KCNG2: variants seen among roughly 807,000 people sequenced by gnomAD.
KCNG2 encodes the protein potassium voltage-gated channel modifier subfamily G member 2, also known as voltage-gated potassium channel regulatory subunit KCNG2.
A neutral mutation model predicts 12.3 loss-of-function variants in KCNG2; 7 were observed. The ratio of observed to expected loss-of-function variants is 0.57; its 90% confidence interval spans 0.32 to 1.07. The LOEUF is 1.07. Ranked by LOEUF, KCNG2 falls within the 50% of genes least tolerant of loss-of-function variation. The pLI, the probability that KCNG2 is intolerant of heterozygous loss-of-function variation, is 0.04. For synonymous variants in KCNG2, 414 were observed against 351.4 expected, an observed-to-expected ratio of 1.18 and a Z score of -1.99; for missense variants, 703 against 726.0, an observed-to-expected ratio of 0.97 and a Z score of 0.36.
intron 1 of KCNG2, among the ~76,000 whole-genome samples, chr18:79,848,340 C>G (rs369734574): frequency 2.6e-4 from 39 of 152,298 alleles, no homozygotes; most frequent in South Asian, 1.9e-3. Context: ...CCCGGGAGTC[C>G]CAAGTACAGA....
chr18:79,898,576 A>G (rs897756511), intron 3 of KCNG2, among the ~76,000 whole-genome samples: 2 of 152,042 alleles, frequency 1.3e-5, no homozygotes, highest in Admixed American at 1.3e-4. Context: ...GGTGGGGTGG[A>G]GGTGGGGGTG....
At chr18:79,847,789 C>A (rs1978673968) in intron 1 of KCNG2, among the ~76,000 whole-genome samples, 1 of 152,232 alleles carries the variant, frequency 6.6e-6, no homozygotes, top group African/African-American at 2.4e-5. Context: ...TGGCACCTGG[C>A]TTGCTGGCGG....
chr18:79,821,015 C>T (rs931087481), intron 1 of KCNG2, among the ~76,000 whole-genome samples: 1 of 152,084 alleles, frequency 6.6e-6, no homozygotes, highest in Non-Finnish European at 1.5e-5. Flanking sequence ...ATTATATGTT[C>T]TTGATATTAA....
At chr18:79,879,269 C>T (rs1451548217) in intron 3 of KCNG2, among the ~76,000 whole-genome samples, 1 of 152,226 alleles carries the variant, frequency 6.6e-6, no homozygotes, top group African/African-American at 2.4e-5. Flanking sequence ...ACTGTCTGGA[C>T]ACTGGCAGTG....
At chr18:79,852,086 A>G (rs1489812436) in intron 1 of KCNG2, among the ~76,000 whole-genome samples, 1 of 152,170 alleles carries the variant, frequency 6.6e-6, no homozygotes, top group Non-Finnish European at 1.5e-5. Flanking sequence ...TAACGCTGCA[A>G]TGAGGCTCTG....
At chr18:79,857,533 C>G (rs751850195) in intron 2 of KCNG2, among the ~76,000 whole-genome samples, 7 of 151,844 alleles carry the variant, frequency 4.6e-5, no homozygotes, top group Non-Finnish European at 1.0e-4. Context: ...AGTGGGCAGT[C>G]TGCGAGCTAC....
rs1202984345 is a variant in KCNG2, at chr18:79,798,743, C to T, written c.-115+729C>T. On this transcript the variant is annotated intron_variant, in intron 1 of 3. Transcript: ENST00000316249. ...CCAGCCTTGCCCGCCGAGCGCAGCC[C>T]GGGTCCGGACTGTGGTCACTGGGGA... Among the ~76,000 whole-genome samples the T allele has an allele frequency of 7.9e-5, 12 of 152,322 alleles. No homozygotes were observed. The East Asian group carries it at 2.1e-3, about 27-fold the overall frequency.
intron 3 of KCNG2, among the ~76,000 whole-genome samples, chr18:79,873,417 C>T (rs1281799517): frequency 2.4e-5 from 3 of 126,728 alleles, no homozygotes; most frequent in South Asian, 3.3e-4. Flanking sequence ...CCGCTCCTGC[C>T]GGCCCCCCTC....
At chr18:79,850,708 A>G (rs974581361) in intron 1 of KCNG2, among the ~76,000 whole-genome samples, 1 of 152,172 alleles carries the variant, frequency 6.6e-6, no homozygotes, top group Non-Finnish European at 1.5e-5. Flanking sequence ...TTTCACAGTA[A>G]GACAATCTGA....
chr18:79,881,852 T>C (rs545248512), intron 3 of KCNG2, among the ~76,000 whole-genome samples: 4 of 152,264 alleles, frequency 2.6e-5, no homozygotes, highest in Middle Eastern at 3.4e-3. Context: ...AGCAGGACAG[T>C]GTGGGGAAAG....
In KCNG2 at chr18:79,822,963, A is replaced by ACC. The variant is rs2087583451; in HGVS notation, c.-115+24952_-115+24953dup. Among the ~76,000 whole-genome samples, 1 of 151,848 alleles carries ACC rather than the reference A, an allele frequency of 6.6e-6. No individual in the cohort carries two copies. The highest frequency in any genetic ancestry group is 1.5e-5 in the Non-Finnish European group (1 of 67,970). On this transcript the variant is annotated intron_variant, in intron 1 of 3. Transcript: ENST00000316249. This position sits in a 1 kb window ranked among gnomAD's most constrained non-coding sequence, Gnocchi z 4.4. Reference sequence around the variant, plus strand: ...GTGGCATGTGAAGAGCGTGTGGAGCACCCCAAGGCTTTAGGAGTCACTGCC... The same window carrying ACC: ...GTGGCATGTGAAGAGCGTGTGGAGCACCCCCCAAGGCTTTAGGAGTCACTGCC...
intron 3 of KCNG2, among the ~76,000 whole-genome samples, chr18:79,876,929 G>A (rs1315860550): frequency 6.6e-6 from 1 of 152,232 alleles, no homozygotes; most frequent in Non-Finnish European, 1.5e-5. Context: ...GAATGCCGAG[G>A]GGAAGCTGTG....
intron 1 of KCNG2, among the ~76,000 whole-genome samples, chr18:79,811,259 A>G (rs2087492286): frequency 6.6e-6 from 1 of 152,252 alleles, no homozygotes; most frequent in African/African-American, 2.4e-5. Flanking sequence ...ACAAGGGACC[A>G]AAGTAAGTGA....
chr18:79,824,538 G>A (rs768208093), intron 1 of KCNG2, among the ~76,000 whole-genome samples: 47 of 152,126 alleles, frequency 3.1e-4, no homozygotes, highest in Admixed American at 4.6e-4. Context: ...AATACCTCTC[G>A]TATAATGTTA....
Position 79,899,825 on chromosome 18 carries a change from C to T in KCNG2, c.*9C>T. 5.2e-6 allele frequency: 7 copies of T among 1,358,198 alleles called. No individual in the cohort carries two copies. Among genetic ancestry groups the T allele is most frequent in the South Asian group, 3.5e-5 (2 of 56,622 alleles). The allele number at this position is 1,358,198 out of a possible 1,614,324, so 84.1% of individuals were successfully genotyped here. ...TGCGGGCAGGGCGCTGACGCCTGCG[C>T]CGCCCACACGGAGACCCCCTGCCCC... On this transcript the variant is annotated 3_prime_UTR_variant, in exon 4 of 4. Transcript: ENST00000316249.
At chr18:79,866,722 TGA>T (rs1391353726) in intron 3 of KCNG2, among the ~76,000 whole-genome samples, 3,893 of 118,686 alleles carry the variant, frequency 0.033, 68 homozygotes, top group Non-Finnish European at 0.049. Context: ...GTCTGTGTGC[TGA>T]GAGGTCTGGG....
In KCNG2 at chr18:79,863,929, G is replaced by A. The variant is rs1599403788; in HGVS notation, c.262G>A (p.Gly88Arg). Residue 88 changes from glycine (G) to arginine (R), a missense_variant, in exon 3 of 4, where the codon GGG becomes AGG. Gly to Arg is a moderately radical substitution (Grantham distance 125). Transcript: ENST00000316249. ...CGCCATCGTGGCGCTTTTGCGCGCA[G>A]GGAAGCTGCGACTGCTGCGGGGCCC... ...FRAIVALLRA[G>R]KLRLLRGPCA... The A allele has an allele frequency of 7.3e-7, 1 of 1,368,786 alleles. No individual in the cohort carries two copies. The highest frequency in any genetic ancestry group is 9.5e-7 in the Non-Finnish European group (1 of 1,055,880). 84.8% of individuals were successfully genotyped at this position (1,368,786 alleles called of 1,614,324 possible).
intron 2 of KCNG2, among the ~76,000 whole-genome samples, chr18:79,858,203 T>C (rs1328974816): frequency 1.3e-5 from 2 of 152,128 alleles, no homozygotes; most frequent in African/African-American, 4.8e-5. Flanking sequence ...GGTTTCGCCA[T>C]GTTGACCAAG....
In KCNG2 at chr18:79,864,104, C is replaced by T. The variant is rs1345289752; in HGVS notation, c.437C>T (p.Pro146Leu). The T allele has an allele frequency of 4.5e-6, 5 of 1,112,862 alleles. No individual in the cohort carries two copies. Among genetic ancestry groups the T allele is most frequent in the South Asian group, 3.2e-5 (1 of 30,942 alleles). The allele number at this position is 1,112,862 out of a possible 1,614,324, so 68.9% of individuals were successfully genotyped here. Residue 146 changes from proline to leucine, a missense_variant, in exon 3 of 4, where the codon CCG becomes CTG. Physicochemically the swap from Pro to Leu is moderately conservative, Grantham distance 98 (BLOSUM62 -3). Coordinates refer to ENST00000316249, the MANE Select transcript of KCNG2 (RefSeq NM_012283.2). The stretch of plus-strand genomic sequence containing the variant: ...ACGGAGCGCGGGGCGCAGGGGAGCC[C>T]GGCGCGCGCCCTGGGACCTCGGGGG... ...GPTERGAQGS[P>L]ARALGPRGRL...
Sources: gnomAD v4.1 joint callset for allele counts (sites outside exome capture counted in the v4.1 genomes callset) on GRCh38, gnomAD v4.1.1 for gene constraint, Gnocchi (gnomAD v3.1) non-coding constraint, MANE v1.5 for transcripts, NCBI Gene and HGNC (gene_info 2026-07-23, HGNC 2026-07-21) for gene names.